Variants in PEX7 observed in about 807,000 individuals in gnomAD.
PEX7 encodes PTS2 receptor.
A neutral mutation model predicts 47.5 loss-of-function variants in PEX7; 34 were observed. That is an observed-to-expected ratio of 0.72 (90% CI 0.54 to 0.95). The LOEUF (loss-of-function observed/expected upper bound fraction) is 0.95. PEX7 is among the 40% of genes least tolerant of loss of function. PEX7 has a pLI of 0.00. For synonymous variants in PEX7, 141 were observed against 148.8 expected (o/e 0.95, Z 0.38); for missense variants, 394 against 400.3 (o/e 0.98, Z 0.13).
Position 136,838,533 on chromosome 6 carries a change from T to G in PEX7, c.340-7082T>G, listed in dbSNP as rs559330587. ...AATGTGGGTCTTGTTTGGGTACTGA[T>G]TCAAATAAGCCGACTGTAAAAGAAA... On this transcript the variant is annotated intron_variant, in intron 3 of 9. Coordinates refer to ENST00000318471, the MANE Select transcript of PEX7 (RefSeq NM_000288.4). Among the ~76,000 whole-genome samples the G allele has an allele frequency of 2.0e-5, 3 of 152,306 alleles. No individual in the cohort carries two copies. The South Asian group carries it at 6.2e-4, about 32-fold the overall frequency.
chr6:136,893,339 C>G (rs1009445054), intron 8 of PEX7, among the ~76,000 whole-genome samples: 1 of 152,164 alleles, frequency 6.6e-6, no homozygotes, highest in East Asian at 1.9e-4. Flanking sequence ...CTGTCAGGCT[C>G]CTTGCAGACA....
chr6:136,912,049 C>A (rs1008405881), intron 9 of PEX7, among the ~76,000 whole-genome samples: 3 of 152,150 alleles, frequency 2.0e-5, no homozygotes, highest in Non-Finnish European at 4.4e-5. Flanking sequence ...TGATGTTGAG[C>A]ACTTTTTTAT....
intron 3 of PEX7, among the ~76,000 whole-genome samples, chr6:136,833,604 A>G (rs61147117): frequency 3.0e-4 from 45 of 152,322 alleles, no homozygotes; most frequent in African/African-American, 1.0e-3. Flanking sequence ...ATGCCCAGCC[A>G]TTCATTTTGG....
intron 1 of PEX7, chr6:136,823,023 C>A (rs938669863): frequency 2.0e-5 from 20 of 985,338 alleles, no homozygotes; most frequent in Non-Finnish European, 2.4e-5. Context: ...AGTGCATATA[C>A]GTGTAGCCTA....
chr6:136,830,177 C>G, intron 3 of PEX7: 1 of 616,778 alleles, frequency 1.6e-6, no homozygotes, highest in Non-Finnish European at 2.9e-6. Context: ...ACATATTTTT[C>G]CTAAACTTGA....
At chr6:136,874,911 G>A (rs1171305176) in intron 8 of PEX7, among the ~76,000 whole-genome samples, 3 of 151,898 alleles carry the variant, frequency 2.0e-5, no homozygotes, top group Non-Finnish European at 4.4e-5. Context: ...AGGCTGAGGC[G>A]GGTGGATCAC....
chr6:136,885,027 G>A (rs1251734748), intron 8 of PEX7, among the ~76,000 whole-genome samples: 1 of 152,060 alleles, frequency 6.6e-6, no homozygotes, highest in Non-Finnish European at 1.5e-5. Context: ...CATTTGTTGT[G>A]CCAACCGTGC....
At chr6:136,846,743 T>C (rs1364321392) in intron 5 of PEX7, among the ~76,000 whole-genome samples, 1 of 152,186 alleles carries the variant, frequency 6.6e-6, no homozygotes, top group Non-Finnish European at 1.5e-5. Context: ...CAGTCTATCA[T>C]TGTTGGACAT....
At chr6:136,839,643 C>T (rs1207508053) in intron 3 of PEX7, among the ~76,000 whole-genome samples, 4 of 152,124 alleles carry the variant, frequency 2.6e-5, no homozygotes, top group Non-Finnish European at 4.4e-5. Context: ...TGACCATTTG[C>T]CATGCCCACT....
intron 8 of PEX7, among the ~76,000 whole-genome samples, chr6:136,889,092 A>G (rs914420968): frequency 1.3e-5 from 2 of 152,152 alleles, no homozygotes; most frequent in Admixed American, 6.5e-5. Flanking sequence ...ATACATATTT[A>G]TATGTATGAA....
intron 4 of PEX7, among the ~76,000 whole-genome samples, 184 bp from the exon 5 acceptor site, chr6:136,845,889 A>T (rs544037188): frequency 6.6e-6 from 1 of 152,338 alleles, no homozygotes; most frequent in African/African-American, 2.4e-5. Context: ...TTAGCTCAGC[A>T]TTAGTTTGGC....
intron 6 of PEX7, among the ~76,000 whole-genome samples, chr6:136,869,403 G>A (rs1775134090): frequency 6.6e-6 from 1 of 151,828 alleles, no homozygotes. Flanking sequence ...GTGTTACCAC[G>A]CCTGGCTAAT....
At chr6:136,909,807 A>ATT (rs762799782) in intron 9 of PEX7, among the ~76,000 whole-genome samples, 2 of 152,230 alleles carry the variant, frequency 1.3e-5, no homozygotes, top group Non-Finnish European at 2.9e-5. Context: ...GGTAGTTATT[A>ATT]TAAGTCCTGA....
chr6:136,850,952 A>T, intron 5 of PEX7, among the ~76,000 whole-genome samples: 2 of 125,500 alleles, frequency 1.6e-5, no homozygotes, highest in Admixed American at 1.6e-4. Flanking sequence ...TTGTCTAAAG[A>T]TATTTATTTC....
chr6:136,862,060 A>T (rs1202490270), intron 5 of PEX7, among the ~76,000 whole-genome samples: 26 of 132,652 alleles, frequency 2.0e-4, no homozygotes, highest in Non-Finnish European at 3.4e-4. Context: ...TATATATATT[A>T]TATATATATA....
intron 8 of PEX7, among the ~76,000 whole-genome samples, chr6:136,890,809 A>C (rs1429884768): frequency 1.3e-5 from 2 of 152,142 alleles, no homozygotes; most frequent in African/African-American, 4.8e-5. Context: ...GTGAAGTTCT[A>C]AAGCAACCCC....
At chr6:136,853,203 G>A (rs1774792486) in intron 5 of PEX7, among the ~76,000 whole-genome samples, 1 of 152,220 alleles carries the variant, frequency 6.6e-6, no homozygotes, top group Non-Finnish European at 1.5e-5. Context: ...ACACTACAGT[G>A]GTGGAGTTGA....
chr6:136,844,627 G>A (rs1774561958), intron 3 of PEX7, among the ~76,000 whole-genome samples: 1 of 152,096 alleles, frequency 6.6e-6, no homozygotes, highest in African/African-American at 2.4e-5. Context: ...CTAAAAGTTT[G>A]TATCCTTTGA....
At chr6:136,828,479 A>C (rs925412394) in intron 3 of PEX7, among the ~76,000 whole-genome samples, 1 of 152,202 alleles carries the variant, frequency 6.6e-6, no homozygotes, top group African/African-American at 2.4e-5. Context: ...ATAGCAACCA[A>C]CTGCTGCTTT....
Sources: allele counts gnomAD v4.1 joint callset (sites outside exome capture counted in the v4.1 genomes callset), GRCh38; gene constraint gnomAD v4.1.1; transcripts MANE v1.5; gene names NCBI Gene and HGNC (gene_info 2026-07-23, HGNC 2026-07-21).